Variants in SLC35F4 observed in about 807,000 individuals in gnomAD.
The protein encoded by SLC35F4 is solute carrier family 35 member F4.
A neutral mutation model predicts 44.2 loss-of-function variants in SLC35F4; 24 were observed. That is an observed-to-expected ratio of 0.54 (90% CI 0.39 to 0.76). The LOEUF is 0.76. SLC35F4 is among the 30% of genes least tolerant of loss of function. The pLI is 0.00. For synonymous variants in SLC35F4, 238 were observed against 223.6 expected (o/e 1.06, Z -0.57); for missense variants, 562 against 586.1 (o/e 0.96, Z 0.42).
intron 1 of SLC35F4, among the ~76,000 whole-genome samples, chr14:57,926,736 G>C (rs539690399): frequency 1.3e-4 from 17 of 134,848 alleles, no homozygotes; most frequent in Admixed American, 6.7e-4. Context: ...GGGGGGGGGG[G>C]GTGGATATAT....
chr14:57,942,718 G>A (rs1457493929), intron 1 of SLC35F4, among the ~76,000 whole-genome samples: 2 of 152,146 alleles, frequency 1.3e-5, no homozygotes, highest in African/African-American at 2.4e-5. Flanking sequence ...TGGAAGCCAC[G>A]ACTTATACTG....
At chr14:57,881,927 C>T (rs1297630061) in intron 1 of SLC35F4, among the ~76,000 whole-genome samples, 1 of 152,184 alleles carries the variant, frequency 6.6e-6, no homozygotes, top group African/African-American at 2.4e-5. Flanking sequence ...GTTTCTAAGA[C>T]AGCATCTGGG....
intron 1 of SLC35F4, among the ~76,000 whole-genome samples, chr14:57,621,035 A>G (rs1256959577): frequency 4.6e-5 from 7 of 151,494 alleles, no homozygotes; most frequent in Non-Finnish European, 7.4e-5. Context: ...AGACAAACAG[A>G]GAGCCAAATC....
downstream of SLC35F4, among the ~76,000 whole-genome samples, chr14:57,972,046 GATA>G (rs1469645392): frequency 6.6e-6 from 1 of 152,178 alleles, no homozygotes; most frequent in Non-Finnish European, 1.5e-5. Context: ...TTCTATGAAG[GATA>G]ATGAGGAACA....
At chr14:57,680,853 C>A (rs142703528) in intron 1 of SLC35F4, among the ~76,000 whole-genome samples, 1 of 152,178 alleles carries the variant, frequency 6.6e-6, no homozygotes, top group African/African-American at 2.4e-5. Flanking sequence ...CAAACCACTG[C>A]TCAAGTAAAT....
chr14:57,759,704 G>T (rs1236122906), intron 1 of SLC35F4, among the ~76,000 whole-genome samples: 1 of 152,138 alleles, frequency 6.6e-6, no homozygotes, highest in African/African-American at 2.4e-5. Flanking sequence ...CTTATCTTTT[G>T]TTTCGGTCAG....
At chr14:57,927,961 C>A (rs1889614800) in intron 1 of SLC35F4, among the ~76,000 whole-genome samples, 1 of 151,574 alleles carries the variant, frequency 6.6e-6, no homozygotes, top group Non-Finnish European at 1.5e-5. Context: ...TACTTTTTTT[C>A]TGAACAATTT....
At chr14:57,960,049 G>T (rs546893152) in intron 1 of SLC35F4, among the ~76,000 whole-genome samples, 1 of 152,194 alleles carries the variant, frequency 6.6e-6, no homozygotes, top group Non-Finnish European at 1.5e-5. Flanking sequence ...GCCTGAGGGG[G>T]ACAAGTTACT....
chr14:57,646,396 C>G (rs535762680), intron 1 of SLC35F4, among the ~76,000 whole-genome samples: 2 of 152,256 alleles, frequency 1.3e-5, no homozygotes, highest in East Asian at 3.9e-4. Flanking sequence ...TCTAGATTTT[C>G]TAGTTTATTT....
intron 1 of SLC35F4, among the ~76,000 whole-genome samples, chr14:57,894,734 T>C (rs564327916): frequency 6.6e-6 from 1 of 152,048 alleles, no homozygotes; most frequent in Non-Finnish European, 1.5e-5. Flanking sequence ...CAAAAACTAG[T>C]AACAAATAAA....
intron 1 of SLC35F4, among the ~76,000 whole-genome samples, chr14:57,658,902 A>G (rs1387957342): frequency 1.3e-5 from 2 of 152,204 alleles, no homozygotes; most frequent in African/African-American, 4.8e-5. Context: ...ATTTAGGATT[A>G]TAGATTTAGA....
intron 1 of SLC35F4, among the ~76,000 whole-genome samples, chr14:57,945,829 G>T (rs534177568): frequency 2.0e-5 from 3 of 152,178 alleles, no homozygotes; most frequent in Non-Finnish European, 4.4e-5. Context: ...CAAGAGTAAG[G>T]TGGAATCGCA....
intron 1 of SLC35F4, among the ~76,000 whole-genome samples, chr14:57,940,223 GA>G (rs2141072355): frequency 6.6e-6 from 1 of 152,218 alleles, no homozygotes; most frequent in South Asian, 2.1e-4. Context: ...TCCCTTAAGG[GA>G]GTTTAAATTC....
chr14:57,828,178 C>T (rs1271392978), intron 1 of SLC35F4, among the ~76,000 whole-genome samples: 2 of 152,152 alleles, frequency 1.3e-5, no homozygotes, highest in Non-Finnish European at 1.5e-5. Context: ...ACGTTTGAAT[C>T]TTGGGAGAGC....
intron 1 of SLC35F4, among the ~76,000 whole-genome samples, chr14:57,967,003 C>G (rs1272408828): frequency 2.0e-5 from 3 of 150,528 alleles, no homozygotes. Flanking sequence ...GAGCAAGACT[C>G]CATCTCAAAA....
intron 1 of SLC35F4, among the ~76,000 whole-genome samples, chr14:57,616,524 G>C (rs776253329): frequency 5.9e-5 from 9 of 152,170 alleles, no homozygotes; most frequent in Non-Finnish European, 1.3e-4. Flanking sequence ...ATTCCCCAAA[G>C]AGACTGACAA....
intron 1 of SLC35F4, among the ~76,000 whole-genome samples, chr14:57,956,133 G>A (rs1890232920): frequency 6.6e-6 from 1 of 152,068 alleles, no homozygotes; most frequent in Non-Finnish European, 1.5e-5. Context: ...CAGAAATAAT[G>A]CCACACATCT....
chr14:57,773,466 C>T (rs993457528), intron 1 of SLC35F4, among the ~76,000 whole-genome samples: 5 of 151,946 alleles, frequency 3.3e-5, no homozygotes, highest in African/African-American at 1.2e-4. Flanking sequence ...CGGAATAAAG[C>T]CAAAATTCAC....
intron 3 of SLC35F4, among the ~76,000 whole-genome samples, chr14:57,587,870 C>CA (rs60521934): frequency 0.013 from 1,667 of 124,988 alleles, 40 homozygotes; most frequent in African/African-American, 0.047. Context: ...ATGCACCTTC[C>CA]AAAAAAAAAA....
Sources: allele counts gnomAD v4.1 joint callset (sites outside exome capture counted in the v4.1 genomes callset), GRCh38; gene constraint gnomAD v4.1.1; transcripts MANE v1.5; gene names NCBI Gene and HGNC (gene_info 2026-07-23, HGNC 2026-07-21).